Variants in ENTPD1 observed in about 807,000 individuals in gnomAD.
ENTPD1 encodes the protein ectonucleoside triphosphate diphosphohydrolase 1.
In ENTPD1, 33 loss-of-function variants were observed where a neutral mutation model predicts 57.0. That is an observed-to-expected ratio of 0.58 (90% CI 0.44 to 0.77). The LOEUF (loss-of-function observed/expected upper bound fraction) is 0.77, where lower values mean the gene tolerates loss of function less well. Among genes scored for constraint, ENTPD1 ranks in the 30% least tolerant of loss-of-function variants. ENTPD1 has a pLI of 0.00. For synonymous variants in ENTPD1, 202 were observed against 218.8 expected, an observed-to-expected ratio of 0.92 and a Z score of 0.68; for missense variants, 501 against 603.4, an observed-to-expected ratio of 0.83 and a Z score of 1.78.
At chr10:95,850,768 G>A (rs559337198) in intron 7 of ENTPD1, among the ~76,000 whole-genome samples, 2 of 152,324 alleles carry the variant, frequency 1.3e-5, no homozygotes, top group South Asian at 4.1e-4. Context: ...TGTCCTTCCT[G>A]CAGGGAGTTC....
At chr10:95,705,277 A>ATGTGTGTGTGTG in the ENTPD1 span, among the ~76,000 whole-genome samples, 36,287 of 149,952 alleles carry the variant, frequency 0.24, 4,931 homozygotes, top group Admixed American at 0.35. Flanking sequence ...CCAGTAGAAA[A>ATGTGTGTGTGTG]TGTGTGTGTG....
intron 1 of ENTPD1, among the ~76,000 whole-genome samples, chr10:95,734,204 T>A (rs572883287): frequency 1.9e-4 from 29 of 152,256 alleles, no homozygotes; most frequent in Admixed American, 1.4e-3. Context: ...CTTCTCCCAG[T>A]TTCTATAGAT....
Position 95,867,668 on chromosome 10 carries a change from C to G in ENTPD1, c.*1285C>G. The G allele has an allele frequency of 1.0e-6, 1 of 985,418 alleles. No homozygotes were observed. Among genetic ancestry groups the G allele is most frequent in the Non-Finnish European group, 1.2e-6 (1 of 829,942 alleles). The allele number at this position is 985,418 out of a possible 1,614,324, so 61.0% of individuals were successfully genotyped here. A position where few individuals can be genotyped will look rare whatever the true frequency, so the allele number is the denominator to read the frequency against. On this transcript the variant is annotated 3_prime_UTR_variant, in exon 10 of 10. Transcript: ENST00000371205. ...CTTACCATGGAAACATGAAGAGACC[C>G]TGCACCCCTTTCCTTAAGGATTGCT...
At chr10:95,852,784 G>T (rs546593136) in intron 7 of ENTPD1, among the ~76,000 whole-genome samples, 1 of 152,236 alleles carries the variant, frequency 6.6e-6, no homozygotes, top group Admixed American at 6.5e-5. Context: ...TGTTCCATTG[G>T]TCTGTATCTC....
chr10:95,819,779 A>T (rs1318215586), intron 1 of ENTPD1, among the ~76,000 whole-genome samples: 1 of 152,220 alleles, frequency 6.6e-6, no homozygotes, highest in African/African-American at 2.4e-5. Context: ...GGCCGTCTTA[A>T]ATTCTCCAGT....
chr10:95,813,887 C>G (rs1371859860), intron 1 of ENTPD1, among the ~76,000 whole-genome samples: 1 of 152,112 alleles, frequency 6.6e-6, no homozygotes, highest in Non-Finnish European at 1.5e-5. Flanking sequence ...GTCAGTTCAC[C>G]CTGCTTCCAC....
chr10:95,834,557 C>T (rs1218602568), intron 2 of ENTPD1, among the ~76,000 whole-genome samples: 1 of 152,166 alleles, frequency 6.6e-6, no homozygotes, highest in Non-Finnish European at 1.5e-5. Flanking sequence ...TATTCTACTT[C>T]TGTGGAGCCA....
chr10:95,837,974 A>C (rs1266943170), intron 2 of ENTPD1, among the ~76,000 whole-genome samples: 1 of 151,480 alleles, frequency 6.6e-6, no homozygotes, highest in Non-Finnish European at 1.5e-5. Flanking sequence ...ACACACACAC[A>C]CACACACACC....
intron 1 of ENTPD1, among the ~76,000 whole-genome samples, chr10:95,749,868 A>ATAGGTTT (rs2098009929): frequency 6.6e-6 from 1 of 152,230 alleles, no homozygotes; most frequent in African/African-American, 2.4e-5. Context: ...TTTAATTTTT[A>ATAGGTTT]ACTGAATTAT....
At chr10:95,727,805 C>T (rs2139842677) in intron 1 of ENTPD1, among the ~76,000 whole-genome samples, 1 of 152,216 alleles carries the variant, frequency 6.6e-6, no homozygotes, top group East Asian at 1.9e-4. Flanking sequence ...AATAATGCTG[C>T]AATAATATCA....
Position 95,774,805 on chromosome 10 carries a change from G to C in ENTPD1, c.16+18550G>C, listed in dbSNP as rs561327251. On this transcript the variant is annotated intron_variant, in intron 1 of 9. Transcript: ENST00000371205. ...GTTCTTTTTGCTTAGGATTGTCTTG[G>C]CAATGTGGGCTCTTTTTTGGTTCCA... Among the ~76,000 whole-genome samples the C allele has an allele frequency of 5.9e-5, 9 of 152,276 alleles. No individual in the cohort carries two copies. In the East Asian group the frequency reaches 1.5e-3, roughly 26 times the overall value.
chr10:95,750,091 T>C (rs1027720015), intron 1 of ENTPD1, among the ~76,000 whole-genome samples: 12 of 152,094 alleles, frequency 7.9e-5, no homozygotes. Context: ...TAGACTTGGA[T>C]TGTAAGGAAA....
upstream of ENTPD1, chr10:95,753,291 C>T (rs562338442): frequency 2.6e-5 from 4 of 152,180 alleles, no homozygotes; most frequent in East Asian, 5.8e-4. Context: ...TATAATTATT[C>T]TTGTATGAAT....
chr10:95,848,546 G>A (rs1176193194), intron 7 of ENTPD1, among the ~76,000 whole-genome samples: 1 of 152,122 alleles, frequency 6.6e-6, no homozygotes, highest in Non-Finnish European at 1.5e-5. Context: ...TCTCAGTGCT[G>A]TACATTTGTT....
At chr10:95,782,417 G>A (rs2098161401) in intron 1 of ENTPD1, among the ~76,000 whole-genome samples, 2 of 152,194 alleles carry the variant, frequency 1.3e-5, no homozygotes, top group South Asian at 4.1e-4. Flanking sequence ...GAGGAAGGAT[G>A]CAGAGACTAT....
chr10:95,806,173 G>T (rs547961641), intron 1 of ENTPD1, among the ~76,000 whole-genome samples: 2 of 152,190 alleles, frequency 1.3e-5, no homozygotes, highest in East Asian at 3.9e-4. Flanking sequence ...CACATTTCTT[G>T]GAGGCTTTGT....
Position 95,871,769 on chromosome 10 carries a change from T to G in ENTPD1, c.*5386T>G. The G allele has an allele frequency of 1.0e-6, 1 of 985,468 alleles. No homozygotes were observed. The highest frequency in any genetic ancestry group is 4.7e-5 in the South Asian group (1 of 21,290). The allele number at this position is 985,468 out of a possible 1,614,324, so 61.0% of individuals were successfully genotyped here. A position where few individuals can be genotyped will look rare whatever the true frequency, so the allele number is the denominator to read the frequency against. On this transcript the variant is annotated 3_prime_UTR_variant, in exon 10 of 10. Coordinates refer to ENST00000371205, the MANE Select transcript of ENTPD1 (RefSeq NM_001776.6). ...TCATCAGCACTAGAGTTGACTTGTT[T>G]TTATAACCCCTTTGCATGTATGTTG...
Position 95,863,817 on chromosome 10 carries a change from TTC to T in ENTPD1, c.1189-899_1189-898del, listed in dbSNP as rs965247621. ...GTACATGATGCATGCATAACAAATG[TTC>T]TCTCTCTGCCGAGGGTATCCAGGAG... On this transcript the variant is annotated intron_variant, in intron 8 of 9. Coordinates refer to ENST00000371205, the MANE Select transcript of ENTPD1 (RefSeq NM_001776.6). Among the ~76,000 whole-genome samples the T allele has an allele frequency of 1.4e-4, 21 of 152,184 alleles. 1 individual carries two copies. The highest frequency in any genetic ancestry group is 5.1e-4 in the African/African-American group (21 of 41,444).
At position 95,869,495 on chromosome 10, in the gene ENTPD1, T is replaced by C; in HGVS notation, c.*3112T>C. ...CAACTCCCAATCTCAGGTGATCCTATTGCCTCGGGCTCCCAAAGTGCTGGG... is the reference window on the plus strand; with the variant it reads ...CAACTCCCAATCTCAGGTGATCCTACTGCCTCGGGCTCCCAAAGTGCTGGG... On this transcript the variant is annotated 3_prime_UTR_variant, in exon 10 of 10. Transcript: ENST00000371205. 3 of 946,948 alleles carry C rather than the reference T, an allele frequency of 3.2e-6. No homozygotes were observed. Among genetic ancestry groups the C allele is most frequent in the Non-Finnish European group, 3.8e-6 (3 of 795,284 alleles). 58.7% of individuals were successfully genotyped at this position (946,948 alleles called of 1,614,324 possible). A position where few individuals can be genotyped will look rare whatever the true frequency, so the allele number is the denominator to read the frequency against.
Sources: gnomAD v4.1 joint callset for allele counts (sites outside exome capture counted in the v4.1 genomes callset) on GRCh38, gnomAD v4.1.1 for gene constraint, MANE v1.5 for transcripts, NCBI Gene and HGNC (gene_info 2026-07-23, HGNC 2026-07-21) for gene names.